The following CNTN4 variants were observed in gnomAD, a reference collection of about 807,000 sequenced individuals.
CNTN4 encodes contactin 4.
CNTN4 carries 77 observed loss-of-function variants against 122.5 expected under a neutral mutation model. The observed-to-expected ratio is 0.63, with a 90% CI of 0.52 to 0.76. The LOEUF is 0.76. Among genes scored for constraint, CNTN4 ranks in the 30% least tolerant of loss-of-function variants. The pLI, the probability that CNTN4 is intolerant of heterozygous loss-of-function variation, is 0.00. For synonymous variants in CNTN4, 512 were observed against 447.0 expected (o/e 1.15, Z -1.83); for missense variants, 1,256 against 1,259.1 (o/e 1.00, Z 0.04).
chr3:2,286,831 T>A (rs2041917166), intron 2 of CNTN4, among the ~76,000 whole-genome samples: 1 of 152,134 alleles, frequency 6.6e-6, no homozygotes, highest in African/African-American at 2.4e-5. Context: ...GAGAAACGTT[T>A]GAAGAAACCA....
At position 2,591,568 on chromosome 3, in the gene CNTN4, T is replaced by G. The variant is rs560983954; in HGVS notation, c.55+20010T>G. Reference sequence around the variant, plus strand: ...TTTAGTAGAGACGGGGTTTCACCGTTTTAGCCAGGATGGTCTCGATCTCCT... The same window carrying G: ...TTTAGTAGAGACGGGGTTTCACCGTGTTAGCCAGGATGGTCTCGATCTCCT... On this transcript the variant is annotated intron_variant, in intron 4 of 24. Transcript: ENST00000418658. 3.6e-3 allele frequency among the ~76,000 whole-genome samples: 391 copies of G among 107,824 alleles called. 75 individuals are homozygous for G. Among genetic ancestry groups the G allele is most frequent in the African/African-American group, 0.012 (342 of 28,956 alleles). 70.7% of individuals were successfully genotyped at this position (107,824 alleles called of 152,430 possible). A position where few individuals can be genotyped will look rare whatever the true frequency, so the allele number is the denominator to read the frequency against.
At chr3:2,376,534 T>G (rs1157240268) in intron 3 of CNTN4, among the ~76,000 whole-genome samples, 1 of 152,080 alleles carries the variant, frequency 6.6e-6, no homozygotes, top group Non-Finnish European at 1.5e-5. Flanking sequence ...AGGTGATTCT[T>G]GAGATGAAGA....
intron 12 of CNTN4, among the ~76,000 whole-genome samples, chr3:2,921,370 A>G (rs1235535653): frequency 1.3e-5 from 2 of 152,218 alleles, no homozygotes; most frequent in African/African-American, 4.8e-5. Context: ...CAGCCATTCT[A>G]AAACAGTGGA....
intron 2 of CNTN4, among the ~76,000 whole-genome samples, chr3:2,323,896 T>C (rs2043356533): frequency 1.3e-5 from 2 of 152,206 alleles, no homozygotes. Flanking sequence ...GTACCGTGCA[T>C]TGGCAATCCA....
chr3:2,171,401 G>A (rs530789659), intron 2 of CNTN4, among the ~76,000 whole-genome samples: 78 of 152,184 alleles, frequency 5.1e-4, no homozygotes, highest in African/African-American at 1.8e-3. Flanking sequence ...TCTGTCTTTT[G>A]TGTGTAGAAA....
At chr3:2,893,333 T>C (rs2094066514) in intron 10 of CNTN4, among the ~76,000 whole-genome samples, 1 of 152,180 alleles carries the variant, frequency 6.6e-6, no homozygotes. Flanking sequence ...GGATGTGCTA[T>C]GTATATGTGA....
intron 2 of CNTN4, among the ~76,000 whole-genome samples, chr3:2,258,235 A>G (rs925096544): frequency 5.9e-5 from 9 of 152,194 alleles, no homozygotes; most frequent in Non-Finnish European, 1.3e-4. Flanking sequence ...CAGCAATCCC[A>G]TTACTGGCTA....
chr3:2,263,073 A>G (rs964162482), intron 2 of CNTN4, among the ~76,000 whole-genome samples: 2 of 152,150 alleles, frequency 1.3e-5, no homozygotes, highest in African/African-American at 4.8e-5. Context: ...TGTGGCTGCA[A>G]AAAAGGCTGG....
At position 2,131,360 on chromosome 3, in the gene CNTN4, A is replaced by G. The variant is rs186000601; in HGVS notation, c.-145+30721A>G. Among the ~76,000 whole-genome samples, 23 of 152,308 alleles carry G rather than the reference A, an allele frequency of 1.5e-4. No individual in the cohort carries two copies. In the East Asian group the frequency reaches 3.9e-3, roughly 26 times the overall value. ...GTCTTACATCAACATAAAGGGAATT[A>G]ATACGAAGGGTATCAGGTGATGGAG... On this transcript the variant is annotated intron_variant, in intron 2 of 24. Coordinates refer to ENST00000418658, the MANE Select transcript of CNTN4 (RefSeq NM_175607.3).
chr3:2,828,322 T>C (rs916465415), intron 7 of CNTN4, among the ~76,000 whole-genome samples: 1 of 152,100 alleles, frequency 6.6e-6, no homozygotes. Flanking sequence ...AGATGCCTTA[T>C]CACCTGCAAG....
At chr3:3,042,882 C>A in intron 21 of CNTN4, 95 bp from the exon 22 acceptor site, 1 of 982,438 alleles carries the variant, frequency 1.0e-6, no homozygotes, top group Non-Finnish European at 1.6e-6. Flanking sequence ...AGAAAACTAA[C>A]TCCATCATAA....
intron 2 of CNTN4, among the ~76,000 whole-genome samples, chr3:2,167,404 G>T (rs2036243828): frequency 6.6e-6 from 1 of 152,060 alleles, no homozygotes; most frequent in Non-Finnish European, 1.5e-5. Context: ...TAAATAATTA[G>T]ATGGCACATA....
At chr3:2,648,506 A>G (rs1023906411) in intron 4 of CNTN4, among the ~76,000 whole-genome samples, 1 of 152,242 alleles carries the variant, frequency 6.6e-6, no homozygotes, top group South Asian at 2.1e-4. Flanking sequence ...TGATGTGACC[A>G]TTGTAACTGT....
At chr3:2,440,292 G>A (rs1455391300) in intron 3 of CNTN4, among the ~76,000 whole-genome samples, 1 of 152,150 alleles carries the variant, frequency 6.6e-6, no homozygotes, top group Non-Finnish European at 1.5e-5. Flanking sequence ...TTTCATACCG[G>A]CAAAGGTACG....
At chr3:2,651,524 G>A (rs1451679218) in intron 4 of CNTN4, among the ~76,000 whole-genome samples, 4 of 151,976 alleles carry the variant, frequency 2.6e-5, no homozygotes, top group African/African-American at 9.7e-5. Context: ...ACTGAAAAAA[G>A]TCTAGCTCTT....
chr3:2,928,493 G>C (rs2094493295), intron 13 of CNTN4, among the ~76,000 whole-genome samples: 1 of 152,182 alleles, frequency 6.6e-6, no homozygotes, highest in South Asian at 2.1e-4. Flanking sequence ...TGACCTGGTA[G>C]ACCAACATGA....
chr3:3,013,424 C>T (rs1449216226), intron 14 of CNTN4, among the ~76,000 whole-genome samples: 1 of 152,062 alleles, frequency 6.6e-6, no homozygotes, highest in Admixed American at 6.5e-5. Context: ...AGAAGACATC[C>T]AGCAACTATT....
At chr3:2,167,269 A>C (rs919713275) in intron 2 of CNTN4, among the ~76,000 whole-genome samples, 4 of 152,192 alleles carry the variant, frequency 2.6e-5, no homozygotes, top group African/African-American at 7.2e-5. Context: ...CATATGGTTC[A>C]AAAATGATTG....
intron 6 of CNTN4, among the ~76,000 whole-genome samples, chr3:2,758,876 T>C (rs1027928463): frequency 6.6e-6 from 1 of 152,098 alleles, no homozygotes; most frequent in African/African-American, 2.4e-5. Context: ...TCATTTAAGG[T>C]GTACAATTCA....
Sources: gnomAD v4.1 joint callset for allele counts (sites outside exome capture counted in the v4.1 genomes callset) on GRCh38, gnomAD v4.1.1 for gene constraint, MANE v1.5 for transcripts, NCBI Gene and HGNC (gene_info 2026-07-23, HGNC 2026-07-21) for gene names.